The following IL1R2 variants were observed in gnomAD, a reference collection of about 807,000 sequenced individuals.
The protein encoded by IL1R2 is interleukin-1 receptor type 2.
In IL1R2, 46 loss-of-function variants were observed where a neutral mutation model predicts 39.5. That is an observed-to-expected ratio of 1.16 (90% confidence interval 0.92 to 1.49). IL1R2 has a LOEUF of 1.49. IL1R2 is among the 40% of genes most tolerant of loss of function. The pLI is 0.00. For synonymous variants in IL1R2, 207 were observed against 189.6 expected (o/e 1.09, Z -0.75); for missense variants, 537 against 502.0 (o/e 1.07, Z -0.67).
intron 1 of IL1R2, among the ~76,000 whole-genome samples, chr2:101,993,239 C>T (rs935800918): frequency 2.0e-5 from 3 of 152,092 alleles, no homozygotes; most frequent in East Asian, 1.9e-4. Flanking sequence ...GTTAGGGCTG[C>T]GGTGTGTCCC....
intron 3 of IL1R2, among the ~76,000 whole-genome samples, chr2:102,012,047 T>C (rs3218872): frequency 0.17 from 26,581 of 152,208 alleles, 2,840 homozygotes; most frequent in East Asian, 0.29. Context: ...TCCTTCTTGA[T>C]GGATGAAGTT....
chr2:102,024,433 G>A lies in IL1R2; in HGVS notation c.752-100G>A. On this transcript the variant is annotated intron_variant, in intron 6 of 8. Transcript: ENST00000332549. ...TACCAAGGAAAGAATTGGGTGGTGAGGGGTGTTTGAGAAGCCGAGGAGGGA... is the reference window on the plus strand; with the variant it reads ...TACCAAGGAAAGAATTGGGTGGTGAAGGGTGTTTGAGAAGCCGAGGAGGGA... The A allele has an allele frequency of 3.8e-6, 3 of 790,448 alleles. No homozygotes were observed. The Admixed American group carries it at 5.6e-5, about 15-fold the overall frequency. The allele number at this position is 790,448 out of a possible 1,614,324, so 49.0% of individuals were successfully genotyped here.
chr2:102,012,126 C>T (rs1278183193), intron 3 of IL1R2, among the ~76,000 whole-genome samples: 7 of 152,208 alleles, frequency 4.6e-5, no homozygotes, highest in Admixed American at 3.3e-4. Flanking sequence ...CAACCCTCAG[C>T]TTGATTGGGA....
At chr2:101,992,247 A>C (rs914473081) in intron 1 of IL1R2, among the ~76,000 whole-genome samples, 1 of 151,628 alleles carries the variant, frequency 6.6e-6, no homozygotes, top group African/African-American at 2.4e-5. Context: ...AGGCAGAGAG[A>C]CAGGCAGAGG....
intron 3 of IL1R2, among the ~76,000 whole-genome samples, chr2:102,014,084 A>G (rs1223869642): frequency 6.6e-6 from 1 of 152,142 alleles, no homozygotes; most frequent in Non-Finnish European, 1.5e-5. Flanking sequence ...CTCAAGGGGA[A>G]TTACCAGATC....
At chr2:101,996,476 GT>G (rs1448660115) in intron 1 of IL1R2, among the ~76,000 whole-genome samples, 1 of 112,760 alleles carries the variant, frequency 8.9e-6, no homozygotes, top group Non-Finnish European at 1.7e-5. Context: ...ATCCCTGGGT[GT>G]TTTCAGTGTT....
At chr2:102,016,591 T>A (rs1407422364) in intron 4 of IL1R2, 1 of 153,288 alleles carries the variant, frequency 6.5e-6, no homozygotes, top group Non-Finnish European at 1.5e-5. Context: ...CACTTAGGTG[T>A]GTAGGAGGCT....
intron 3 of IL1R2, among the ~76,000 whole-genome samples, chr2:102,013,001 A>G (rs562389363): frequency 6.6e-6 from 1 of 152,310 alleles, no homozygotes; most frequent in Non-Finnish European, 1.5e-5. Flanking sequence ...ATGTGAAGGA[A>G]CTAGCGTGGG....
rs779320040 is a variant in IL1R2 at position 102,009,627 on chromosome 2, C to G, written c.133C>G (p.Pro45Ala). The G allele has an allele frequency of 1.2e-6, 2 of 1,614,156 alleles. No individual in the cohort carries two copies. Among genetic ancestry groups the G allele is most frequent in the African/African-American group, 1.3e-5 (1 of 75,022 alleles). ...YKREFRLEGE[P>A]VALRCPQVPY... is the part of the protein sequence containing the mutation. ...GCGGGAGTTCAGGCTGGAAGGGGAG[C>G]CTGTAGCCCTGAGGTGCCCCCAGGT... Residue 45 changes from proline (P) to alanine (A), a missense_variant, in exon 3 of 9, where the codon CCT (proline) becomes GCT (alanine). By Grantham distance (27) the Pro-to-Ala change is conservative (BLOSUM62 -1). Coordinates refer to ENST00000332549, the MANE Select transcript of IL1R2 (RefSeq NM_004633.4).
intron 4 of IL1R2, among the ~76,000 whole-genome samples, chr2:102,018,722 CAGT>C (rs1325003837): frequency 6.6e-6 from 1 of 152,136 alleles, no homozygotes; most frequent in African/African-American, 2.4e-5. Flanking sequence ...ATCACACAGC[CAGT>C]AGATGGTGAA....
chr2:102,021,291 CTTTCT>C (rs1248013426), intron 5 of IL1R2, among the ~76,000 whole-genome samples: 10 of 142,202 alleles, frequency 7.0e-5, no homozygotes, highest in South Asian at 6.9e-4. Flanking sequence ...TCGTTTCTTT[CTTTCT>C]TTTCTTTTCT....
intron 6 of IL1R2, among the ~76,000 whole-genome samples, chr2:102,022,761 T>C (rs1389137362): frequency 1.3e-5 from 2 of 152,208 alleles, no homozygotes; most frequent in African/African-American, 2.4e-5. Flanking sequence ...GGCTTTCTGC[T>C]TTTCACTCCA....
intron 5 of IL1R2, among the ~76,000 whole-genome samples, chr2:102,021,324 GT>G (rs1410768533): frequency 9.6e-6 from 1 of 104,370 alleles, no homozygotes; most frequent in East Asian, 2.9e-4. Flanking sequence ...TTTTTTTTTG[GT>G]TTTTTTTTGA....
intron 6 of IL1R2, among the ~76,000 whole-genome samples, chr2:102,022,566 C>T (rs1383155137): frequency 6.6e-6 from 1 of 152,212 alleles, no homozygotes; most frequent in South Asian, 2.1e-4. Context: ...AGAAGATGAA[C>T]AGCATGAACC....
rs370345051 is a variant in IL1R2 at position 102,024,627 on chromosome 2, G to C, written c.846G>C (p.Glu282Asp). The change falls in exon 7 of 9, where the codon GAG (glutamate) becomes GAC (aspartate). Residue 282 changes from glutamate (E) to aspartate (D), a missense_variant. By Grantham distance (45) the Glu-to-Asp change is conservative. Coordinates refer to ENST00000332549, the MANE Select transcript of IL1R2 (RefSeq NM_004633.4). ...LWWTANDTHIESAYPGGRVTE... is the reference protein window; with the variant it reads ...LWWTANDTHIDSAYPGGRVTE... The stretch of plus-strand genomic sequence containing the variant: ...GGACGGCCAATGACACCCACATAGA[G>C]AGCGCCTACCCGGGAGGCCGCGTGA... 5.0e-6 allele frequency: 8 copies of C among 1,614,024 alleles called. No individual in the cohort carries two copies. Among genetic ancestry groups the C allele is most frequent in the South Asian group, 4.4e-5 (4 of 91,088 alleles).
In IL1R2 at chr2:102,008,543, A is replaced by G. The variant is rs10175261; in HGVS notation, c.-33A>G. The G allele has an allele frequency of 1.2e-3, 1,874 of 1,596,930 alleles. 19 individuals are homozygous for G. In the African/African-American group the frequency reaches 0.022, roughly 19 times the overall value. On this transcript the variant is annotated 5_prime_UTR_variant, in exon 2 of 9. Coordinates refer to ENST00000332549, the MANE Select transcript of IL1R2 (RefSeq NM_004633.4). ...ACGTGCTGCTGGGTCTCAGTCCTCCACTTCCCGTGTCCTCTGGAAGTTGTC... is the reference window on the plus strand; with the variant it reads ...ACGTGCTGCTGGGTCTCAGTCCTCCGCTTCCCGTGTCCTCTGGAAGTTGTC...
At chr2:102,013,524 C>CAAAAA (rs771727938) in intron 3 of IL1R2, among the ~76,000 whole-genome samples, 96 of 5,684 alleles carry the variant, frequency 0.017, 8 homozygotes, top group Admixed American at 0.044. Flanking sequence ...TCTATCACTG[C>CAAAAA]AAAAAAAAAA....
intron 5 of IL1R2, among the ~76,000 whole-genome samples, chr2:102,020,231 T>G (rs1249313248): frequency 1.3e-5 from 2 of 152,246 alleles, no homozygotes. Flanking sequence ...GAGCTAGCCT[T>G]GCACATCCAG....
intron 1 of IL1R2, among the ~76,000 whole-genome samples, chr2:102,000,366 G>A (rs1297412899): frequency 6.6e-6 from 1 of 152,168 alleles, no homozygotes; most frequent in African/African-American, 2.4e-5. Context: ...CAGGAAGGAA[G>A]GCAGGATTCC....
Sources: gnomAD v4.1 joint callset for allele counts (sites outside exome capture counted in the v4.1 genomes callset) on GRCh38, gnomAD v4.1.1 for gene constraint, MANE v1.5 for transcripts, NCBI Gene and HGNC (gene_info 2026-07-23, HGNC 2026-07-21) for gene names.